Variants in TSNAX observed in about 807,000 individuals in gnomAD.
TSNAX encodes translin-associated protein X.
Under a neutral mutation model 33.0 loss-of-function variants are expected in TSNAX, and 12 were observed. The ratio of observed to expected loss-of-function variants is 0.36; its 90% CI spans 0.23 to 0.59. The LOEUF is 0.59. TSNAX is among the 20% of genes least tolerant of loss of function. The probability of loss-of-function intolerance (pLI) is 0.74; values close to 1 mark genes in which losing one functional copy is unlikely to be tolerated. For synonymous variants in TSNAX, 110 were observed against 117.2 expected, an observed-to-expected ratio of 0.94 and a Z score of 0.40; for missense variants, 267 against 341.3, an observed-to-expected ratio of 0.78 and a Z score of 1.72.
At position 231,545,921 on chromosome 1, in the gene TSNAX, C is replaced by T. The variant is rs147582692; in HGVS notation, c.367+3310C>T. ...TTATGCTCAGGGTCATAAGCTAGCACGTGGTACCATTGGTTTCTTCCCACA... is the reference window on the plus strand; with the variant it reads ...TTATGCTCAGGGTCATAAGCTAGCATGTGGTACCATTGGTTTCTTCCCACA... On this transcript the variant is annotated intron_variant, in intron 4 of 5. Transcript: ENST00000366639. Among the ~76,000 whole-genome samples the T allele has an allele frequency of 9.4e-3, 1,437 of 152,282 alleles. 29 individuals carry two copies. Among genetic ancestry groups the T allele is most frequent in the African/African-American group, 0.032 (1,318 of 41,548 alleles).
At chr1:231,560,700 G>T (rs1661050496) in intron 4 of TSNAX, among the ~76,000 whole-genome samples, 1 of 152,062 alleles carries the variant, frequency 6.6e-6, no homozygotes, top group Admixed American at 6.5e-5. Context: ...TTACAGGCGT[G>T]AGCCACCGTG....
Position 231,529,319 on chromosome 1 carries a change from G to C in TSNAX, c.81G>C (p.Lys27Asn). 1 of 1,614,170 alleles carries C rather than the reference G, an allele frequency of 6.2e-7. No homozygotes were observed. Among genetic ancestry groups the C allele is most frequent in the Admixed American group, 1.7e-5 (1 of 60,024 alleles). The part of the protein sequence containing the change: ...NFPHNQRREG[K>N]DVNSSSPVML... ...CACATAACCAAAGAAGAGAAGGGAA[G>C]GATGTTAATTCATCTTCACCCGTGA... Residue 27 changes from lysine to asparagine, a missense_variant, in exon 2 of 6, where the codon AAG (lysine) becomes AAC (asparagine). Lys to Asn is a moderately conservative substitution (Grantham distance 94). Transcript: ENST00000366639.
Position 231,555,772 on chromosome 1 carries a change from TG to T in TSNAX, c.368-5355del, listed in dbSNP as rs1482676407. 1.7e-4 allele frequency among the ~76,000 whole-genome samples: 26 copies of T among 152,296 alleles called. 1 individual carries two copies. In the East Asian group the frequency reaches 3.3e-3, roughly 19 times the overall value. ...AAAGCACATCTTAAGAGTTTGCTCC[TG>T]CTCAAGGAAAGACTGAAATTCCTGT... On this transcript the variant is annotated intron_variant, in intron 4 of 5. Transcript: ENST00000366639.
intron 4 of TSNAX, among the ~76,000 whole-genome samples, chr1:231,551,798 T>TAAAAAAAAAAAAAAAAAAG (rs1660317282): frequency 3.9e-5 from 3 of 77,722 alleles, no homozygotes; most frequent in East Asian, 3.5e-4. Context: ...TACAAAAAAG[T>TAAAAAAAAAAAAAAAAAAG]AAAAAAAAAA....
chr1:231,534,916 C>T (rs1175895055), intron 2 of TSNAX: 1 of 152,014 alleles, frequency 6.6e-6, no homozygotes, highest in South Asian at 2.1e-4. Context: ...ATCAGTGAAG[C>T]GTGGTAAGGA....
At position 231,564,939 on chromosome 1, in the gene TSNAX, G is replaced by A. The variant is rs112715796; in HGVS notation, c.*34G>A. ...GTTACTCAGTTACTAATTCTTTTGA[G>A]AACTCCTAAGAGACCAATTTGTAAG... On this transcript the variant is annotated 3_prime_UTR_variant, in exon 6 of 6. Transcript: ENST00000366639. 284 of 1,587,976 alleles carry A rather than the reference G, an allele frequency of 1.8e-4. 2 individuals carry two copies. In the African/African-American group the frequency reaches 3.0e-3, roughly 17 times the overall value.
At chr1:231,540,820 C>T (rs1290559718) in intron 3 of TSNAX, among the ~76,000 whole-genome samples, 2 of 152,088 alleles carry the variant, frequency 1.3e-5, no homozygotes, top group Non-Finnish European at 2.9e-5. Flanking sequence ...TTATTTGGTA[C>T]ATTAATATTT....
At chr1:231,543,603 T>C (rs1032480373) in intron 4 of TSNAX, among the ~76,000 whole-genome samples, 1 of 152,214 alleles carries the variant, frequency 6.6e-6, no homozygotes, top group African/African-American at 2.4e-5. Flanking sequence ...GTTTATTTGG[T>C]ATCTGCTTAA....
At chr1:231,537,425 C>T (rs1659253582) in intron 3 of TSNAX, 98 bp downstream of exon 3, 2 of 730,320 alleles carry the variant, frequency 2.7e-6, no homozygotes. Context: ...GTAGGTACAA[C>T]TTAAGAGTTA....
In TSNAX at chr1:231,540,386, A is replaced by T. The variant is rs186301402; in HGVS notation, c.237-2095A>T. Among the ~76,000 whole-genome samples, 379 of 152,226 alleles carry T rather than the reference A, an allele frequency of 2.5e-3. 6 individuals are homozygous for T. Among genetic ancestry groups the T allele is most frequent in the African/African-American group, 8.6e-3 (356 of 41,554 alleles). ...TTGAAATTTATTGGTGCTAATTTTCATTTTGATTTCACCTTTGACCCAAGA... is the reference window on the plus strand; with the variant it reads ...TTGAAATTTATTGGTGCTAATTTTCTTTTTGATTTCACCTTTGACCCAAGA... On this transcript the variant is annotated intron_variant, in intron 3 of 5. Transcript: ENST00000366639.
chr1:231,562,929 C>T (rs937686027), intron 5 of TSNAX, among the ~76,000 whole-genome samples: 2 of 152,078 alleles, frequency 1.3e-5, no homozygotes, highest in Non-Finnish European at 2.9e-5. Flanking sequence ...ATCATATTCC[C>T]ATAGCTCAAC....
At chr1:231,550,590 G>A (rs1430555190) in intron 4 of TSNAX, among the ~76,000 whole-genome samples, 1 of 152,156 alleles carries the variant, frequency 6.6e-6, no homozygotes, top group Admixed American at 6.5e-5. Flanking sequence ...AAAGAGTCTG[G>A]GGGAAGGGAG....
chr1:231,556,877 T>G (rs1660731412), intron 4 of TSNAX, among the ~76,000 whole-genome samples: 2 of 151,800 alleles, frequency 1.3e-5, no homozygotes, highest in African/African-American at 4.9e-5. Flanking sequence ...ATAATGTAAG[T>G]GGGGGTGAAA....
At position 231,542,467 on chromosome 1, in the gene TSNAX, T is replaced by C; in HGVS notation, c.237-14T>C. 1 of 1,612,108 alleles carries C rather than the reference T, an allele frequency of 6.2e-7. No homozygotes were observed. Among genetic ancestry groups the C allele is most frequent in the Non-Finnish European group, 8.5e-7 (1 of 1,179,198 alleles). On this transcript the variant is annotated splice_polypyrimidine_tract_variant and intron_variant, in intron 3 of 5. Coordinates refer to ENST00000366639, the MANE Select transcript of TSNAX (RefSeq NM_005999.3). ...CATCTGATGTTCTAAAAGTTCCCAA[T>C]ATCTTGATCATAGTGCTCCTGATAT...
chr1:231,562,217 AATT>A (rs1661165745), intron 5 of TSNAX, among the ~76,000 whole-genome samples: 1 of 148,506 alleles, frequency 6.7e-6, no homozygotes, highest in Non-Finnish European at 1.5e-5. Context: ...TTAAATATTT[AATT>A]ATTTTAAAAA....
chr1:231,554,379 G>C (rs1660553701), intron 4 of TSNAX, among the ~76,000 whole-genome samples: 1 of 152,130 alleles, frequency 6.6e-6, no homozygotes, highest in African/African-American at 2.4e-5. Context: ...GAATTTACGG[G>C]AAAAAGTTGA....
chr1:231,540,962 T>C (rs1411055427), intron 3 of TSNAX, among the ~76,000 whole-genome samples: 2 of 152,224 alleles, frequency 1.3e-5, no homozygotes, highest in African/African-American at 2.4e-5. Flanking sequence ...CGTATATCTT[T>C]TCATCCTTTT....
chr1:231,553,654 A>G (rs1660487259), intron 4 of TSNAX, among the ~76,000 whole-genome samples: 1 of 149,508 alleles, frequency 6.7e-6, no homozygotes, highest in South Asian at 2.1e-4. Context: ...TCTCCACATT[A>G]TAGCATGAAA....
intron 3 of TSNAX, among the ~76,000 whole-genome samples, chr1:231,541,528 C>G (rs1206478333): frequency 6.6e-6 from 1 of 152,090 alleles, no homozygotes; most frequent in East Asian, 1.9e-4. Flanking sequence ...CATGTTATTT[C>G]TACTTTTGTT....
Sources: gnomAD v4.1 joint callset for allele counts (sites outside exome capture counted in the v4.1 genomes callset) on GRCh38, gnomAD v4.1.1 for gene constraint, MANE v1.5 for transcripts, NCBI Gene and HGNC (gene_info 2026-07-23, HGNC 2026-07-21) for gene names.